SAMD12: variants seen among roughly 807,000 people sequenced by gnomAD.
SAMD12 encodes sterile alpha motif domain containing 12.
In SAMD12, 9 loss-of-function variants were observed where a neutral mutation model predicts 15.0. That is an observed-to-expected ratio of 0.60 (90% CI 0.36 to 1.05). The LOEUF is 1.05. Among genes scored for constraint, SAMD12 ranks in the 50% least tolerant of loss-of-function variants. The pLI is 0.01. For synonymous variants in SAMD12, 86 were observed against 90.1 expected (o/e 0.96, Z 0.25); for missense variants, 230 against 234.2 (o/e 0.98, Z 0.12).
rs149446130 is a variant in SAMD12 at position 118,547,204 on chromosome 8, C to T, written c.192+33511G>A. Among the ~76,000 whole-genome samples the T allele has an allele frequency of 5.5e-3, 833 of 152,248 alleles. 9 individuals are homozygous for T. The highest frequency in any genetic ancestry group is 0.019 in the African/African-American group (784 of 41,544). ...TTTACAACAGCATGTTCCACAGGCA[C>T]GTCTTTTTTAAAAAAAATGTAGCAG... On this transcript the variant is annotated intron_variant, in intron 2 of 3. Transcript: ENST00000314727.
At chr8:118,554,439 A>T (rs1826455870) in intron 2 of SAMD12, among the ~76,000 whole-genome samples, 1 of 151,478 alleles carries the variant, frequency 6.6e-6, no homozygotes, top group South Asian at 2.1e-4. Context: ...AAGAACAAAA[A>T]ACCAAACACC....
intron 4 of SAMD12, among the ~76,000 whole-genome samples, chr8:118,227,067 G>A (rs749380838): frequency 3.3e-5 from 5 of 152,244 alleles, no homozygotes; most frequent in Non-Finnish European, 7.4e-5. Context: ...ACATGTATGT[G>A]AATGTTCACT....
At chr8:118,604,659 C>T (rs946207917) in intron 1 of SAMD12, among the ~76,000 whole-genome samples, 2 of 152,134 alleles carry the variant, frequency 1.3e-5, no homozygotes, top group Admixed American at 6.5e-5. Context: ...CGGTGGCTCG[C>T]GCCTGTAATC....
intron 4 of SAMD12, among the ~76,000 whole-genome samples, chr8:118,332,897 C>T (rs1268110253): frequency 6.6e-6 from 1 of 152,162 alleles, no homozygotes; most frequent in African/African-American, 2.4e-5. Context: ...GACCTCCGAA[C>T]CTCTCCCTTT....
chr8:118,404,028 G>C (rs1203924379), intron 3 of SAMD12, among the ~76,000 whole-genome samples: 2 of 152,098 alleles, frequency 1.3e-5, no homozygotes, highest in African/African-American at 2.4e-5. Flanking sequence ...CCCCAGGCTG[G>C]AGTGCAGTGG....
At chr8:118,543,545 G>A (rs1302211934) in intron 2 of SAMD12, among the ~76,000 whole-genome samples, 3 of 151,866 alleles carry the variant, frequency 2.0e-5, no homozygotes, top group Non-Finnish European at 2.9e-5. Context: ...GCATGTGGCC[G>A]AGGACAGCTT....
intron 2 of SAMD12, among the ~76,000 whole-genome samples, chr8:118,479,505 A>G (rs991702056): frequency 1.3e-5 from 2 of 152,192 alleles, no homozygotes; most frequent in African/African-American, 4.8e-5. Context: ...CCACGAGAAC[A>G]GTATGGGGGA....
chr8:118,410,344 T>C (rs1384000107), intron 3 of SAMD12, among the ~76,000 whole-genome samples: 2 of 152,206 alleles, frequency 1.3e-5, no homozygotes, highest in African/African-American at 2.4e-5. Flanking sequence ...TCCAAGGCTA[T>C]GAAAAATTTC....
intron 4 of SAMD12, among the ~76,000 whole-genome samples, chr8:118,269,218 C>CTG (rs1258701987): frequency 2.0e-4 from 23 of 115,752 alleles, no homozygotes; most frequent in African/African-American, 6.5e-4. Context: ...CTCTCTCTCT[C>CTG]TCTGTGTGTG....
chr8:118,507,991 CTTTTT>C (rs11384671), intron 2 of SAMD12, among the ~76,000 whole-genome samples: 1 of 108,818 alleles, frequency 9.2e-6, no homozygotes, highest in East Asian at 2.6e-4. Flanking sequence ...GTATAATCTC[CTTTTT>C]TTTTTTTTTT....
downstream of SAMD12, among the ~76,000 whole-genome samples, chr8:118,186,817 T>TGA (rs1284618323): frequency 2.0e-5 from 3 of 151,940 alleles, no homozygotes; most frequent in African/African-American, 7.3e-5. Context: ...AGGTTCTTCC[T>TGA]GAGAGAGAGA....
At chr8:118,568,290 G>T (rs183011330) in intron 2 of SAMD12, among the ~76,000 whole-genome samples, 9 of 152,170 alleles carry the variant, frequency 5.9e-5, no homozygotes, top group African/African-American at 1.2e-4. Flanking sequence ...CAGTATAAAG[G>T]CTTGGAGGTG....
At chr8:118,464,771 T>C (rs1823539550) in intron 2 of SAMD12, among the ~76,000 whole-genome samples, 1 of 152,174 alleles carries the variant, frequency 6.6e-6, no homozygotes, top group Non-Finnish European at 1.5e-5. Flanking sequence ...TGCCAATGAA[T>C]TTCTAAAATT....
At chr8:118,194,526 T>C (rs150257010) in exon 5 of SAMD12, 1 of 152,304 alleles carries the variant, frequency 6.6e-6, no homozygotes, top group Non-Finnish European at 1.5e-5. Flanking sequence ...CTCATAATTA[T>C]TCATTTCTGT....
chr8:118,341,638 C>T (rs1403334378), intron 4 of SAMD12, among the ~76,000 whole-genome samples: 10 of 152,082 alleles, frequency 6.6e-5, no homozygotes, highest in Admixed American at 1.3e-4. Context: ...TGTGTCTTTG[C>T]GTAGTGGAAA....
chr8:118,226,943 G>T (rs1812202338), intron 4 of SAMD12, among the ~76,000 whole-genome samples: 1 of 152,150 alleles, frequency 6.6e-6, no homozygotes, highest in African/African-American at 2.4e-5. Context: ...ATCAGATGGG[G>T]TGGACACTGA....
At chr8:118,377,615 G>A (rs10086119), downstream of SAMD12, among the ~76,000 whole-genome samples, 88,405 of 151,960 alleles carry the variant, frequency 0.58, 26,841 homozygotes, top group African/African-American at 0.67. Flanking sequence ...CCCAGAACAC[G>A]TATGTATATT....
At chr8:118,533,057 C>T (rs1825734286) in intron 2 of SAMD12, among the ~76,000 whole-genome samples, 1 of 152,124 alleles carries the variant, frequency 6.6e-6, no homozygotes, top group African/African-American at 2.4e-5. Flanking sequence ...ATCTTTCCTG[C>T]TTTCTCTTGT....
At chr8:118,370,316 A>G (rs1819018953) in intron 4 of SAMD12, among the ~76,000 whole-genome samples, 1 of 152,202 alleles carries the variant, frequency 6.6e-6, no homozygotes, top group Non-Finnish European at 1.5e-5. Context: ...AGAGACAGGA[A>G]TGCTTTTACA....
Sources: gnomAD v4.1 joint callset for allele counts (sites outside exome capture counted in the v4.1 genomes callset) on GRCh38, gnomAD v4.1.1 for gene constraint, MANE v1.5 for transcripts, NCBI Gene and HGNC (gene_info 2026-07-23, HGNC 2026-07-21) for gene names.